The following NCK1 variants were observed in gnomAD, a reference collection of about 807,000 sequenced individuals.
NCK1 encodes the protein NCK adaptor protein 1.
NCK1 carries 19 observed loss-of-function variants against 36.6 expected under a neutral mutation model. The ratio of observed to expected loss-of-function variants is 0.52; its 90% CI spans 0.36 to 0.76. The LOEUF (loss-of-function observed/expected upper bound fraction) is 0.76, where lower values mean the gene tolerates loss of function less well. NCK1 is among the 30% of genes least tolerant of loss of function. The pLI, the probability that NCK1 is intolerant of heterozygous loss-of-function variation, is 0.00. For synonymous variants in NCK1, 165 were observed against 156.0 expected, an observed-to-expected ratio of 1.06 and a Z score of -0.43; for missense variants, 358 against 445.6, an observed-to-expected ratio of 0.80 and a Z score of 1.77.
intron 1 of NCK1, among the ~76,000 whole-genome samples, chr3:136,911,368 C>T (rs777685775): frequency 1.3e-5 from 2 of 152,128 alleles, no homozygotes; most frequent in Non-Finnish European, 2.9e-5. Context: ...ATTTACATCC[C>T]CACCAGCAAT....
At chr3:136,892,446 T>A (rs542252462) in intron 1 of NCK1, among the ~76,000 whole-genome samples, 1 of 152,272 alleles carries the variant, frequency 6.6e-6, no homozygotes, top group East Asian at 1.9e-4. Context: ...ATCACAAGAG[T>A]CCTTATCAGA....
intron 1 of NCK1, among the ~76,000 whole-genome samples, chr3:136,919,410 T>C (rs1022488580): frequency 1.3e-5 from 2 of 152,210 alleles, no homozygotes; most frequent in Admixed American, 1.3e-4. Flanking sequence ...CATTCCTCAA[T>C]ATATATTGAC....
intron 1 of NCK1, among the ~76,000 whole-genome samples, chr3:136,909,978 G>A (rs2108109893): frequency 6.6e-6 from 1 of 152,212 alleles, no homozygotes; most frequent in East Asian, 1.9e-4. Flanking sequence ...GATCTAAAGT[G>A]AGTCTCTTAC....
chr3:136,908,953 A>G (rs1939764712), intron 1 of NCK1, among the ~76,000 whole-genome samples: 1 of 152,128 alleles, frequency 6.6e-6, no homozygotes, highest in Non-Finnish European at 1.5e-5. Flanking sequence ...TCTTGGGGAC[A>G]CTACACTCAT....
intron 1 of NCK1, among the ~76,000 whole-genome samples, chr3:136,927,170 C>T (rs1396325522): frequency 1.3e-5 from 2 of 152,166 alleles, no homozygotes; most frequent in East Asian, 3.9e-4. Flanking sequence ...TGGGGTTTCA[C>T]CATGTTGGCC....
At chr3:136,871,135 GCTT>G (rs1938605316) in intron 1 of NCK1, among the ~76,000 whole-genome samples, 1 of 151,836 alleles carries the variant, frequency 6.6e-6, no homozygotes, top group East Asian at 1.9e-4. Flanking sequence ...GGTGGCTTAT[GCTT>G]GTAATCCTGC....
At chr3:136,947,121 T>C (rs1236754743) in intron 3 of NCK1, 1 of 151,862 alleles carries the variant, frequency 6.6e-6, no homozygotes, top group East Asian at 1.9e-4. Context: ...GGAAGTGGGG[T>C]GTGGTGGGGA....
At chr3:136,905,007 C>CTTTTTTTTTTTTTTT (rs71304270) in intron 1 of NCK1, among the ~76,000 whole-genome samples, 15 of 128,322 alleles carry the variant, frequency 1.2e-4, no homozygotes, top group East Asian at 2.3e-4. Context: ...TTGGTTTTTC[C>CTTTTTTTTTTTTTTT]TTTTTTTTTT....
At chr3:136,885,731 C>T (rs1388264985) in intron 1 of NCK1, among the ~76,000 whole-genome samples, 1 of 152,118 alleles carries the variant, frequency 6.6e-6, no homozygotes, top group African/African-American at 2.4e-5. Context: ...TCTGTGCACT[C>T]ATTGTCCAGT....
intron 1 of NCK1, among the ~76,000 whole-genome samples, chr3:136,924,999 AG>A (rs1480551831): frequency 6.6e-6 from 1 of 152,178 alleles, no homozygotes; most frequent in Non-Finnish European, 1.5e-5. Flanking sequence ...ACCAAAAATT[AG>A]GGGGATAGCT....
At chr3:136,869,547 G>GA (rs1173205425) in intron 1 of NCK1, among the ~76,000 whole-genome samples, 1 of 151,444 alleles carries the variant, frequency 6.6e-6, no homozygotes, top group Non-Finnish European at 1.5e-5. Context: ...TGTCTCAAAA[G>GA]AAAAAAAAGA....
At chr3:136,926,658 T>C (rs1429952887) in intron 1 of NCK1, among the ~76,000 whole-genome samples, 1 of 152,226 alleles carries the variant, frequency 6.6e-6, no homozygotes, top group African/African-American at 2.4e-5. Context: ...CAGAGTTCGA[T>C]GTATAGTTTT....
chr3:136,875,173 CTGTT>C (rs1317755772), intron 1 of NCK1, among the ~76,000 whole-genome samples: 2 of 152,172 alleles, frequency 1.3e-5, no homozygotes, highest in South Asian at 2.1e-4. Context: ...AGTCTGCTCT[CTGTT>C]TGTCTGTTAT....
chr3:136,920,814 C>G (rs1940090646), intron 1 of NCK1, among the ~76,000 whole-genome samples: 1 of 152,082 alleles, frequency 6.6e-6, no homozygotes, highest in Admixed American at 6.6e-5. Context: ...ACACAGCAAA[C>G]ATGTAAGTAC....
At chr3:136,929,766 G>A (rs937372420) in intron 2 of NCK1, among the ~76,000 whole-genome samples, 2 of 152,144 alleles carry the variant, frequency 1.3e-5, no homozygotes, top group Non-Finnish European at 2.9e-5. Flanking sequence ...TAGAGTGAAT[G>A]TGACAGTAAT....
chr3:136,873,295 T>G (rs936357076), intron 1 of NCK1, among the ~76,000 whole-genome samples: 1 of 152,160 alleles, frequency 6.6e-6, no homozygotes, highest in African/African-American at 2.4e-5. Context: ...TTTTGGAGCT[T>G]TAAGATTTGA....
intron 1 of NCK1, among the ~76,000 whole-genome samples, chr3:136,863,252 A>C (rs1209136008): frequency 6.6e-6 from 1 of 152,162 alleles, no homozygotes; most frequent in Non-Finnish European, 1.5e-5. Flanking sequence ...AAGCAGCTCA[A>C]TGTCCTCCCA....
At chr3:136,893,628 CT>C (rs977208307) in intron 1 of NCK1, among the ~76,000 whole-genome samples, 3 of 152,096 alleles carry the variant, frequency 2.0e-5, no homozygotes, top group Non-Finnish European at 4.4e-5. Context: ...TGTGCAGAAG[CT>C]TTTTAGTTTA....
At chr3:136,874,928 T>G (rs1938724649) in intron 1 of NCK1, among the ~76,000 whole-genome samples, 2 of 152,214 alleles carry the variant, frequency 1.3e-5, no homozygotes, top group South Asian at 4.1e-4. Flanking sequence ...TTTTGAGAAG[T>G]CTGAAGACAT....
Sources: allele counts gnomAD v4.1 joint callset (sites outside exome capture counted in the v4.1 genomes callset), GRCh38; gene constraint gnomAD v4.1.1; transcripts MANE v1.5; gene names NCBI Gene and HGNC (gene_info 2026-07-23, HGNC 2026-07-21).